Variants in SLC47A1 observed in about 807,000 individuals in gnomAD.
SLC47A1 encodes the protein solute carrier family 47 member 1, also known as multidrug and toxin extrusion protein 1.
A neutral mutation model predicts 65.8 loss-of-function variants in SLC47A1; 58 were observed. The ratio of observed to expected loss-of-function variants is 0.88; its 90% CI spans 0.71 to 1.10. The LOEUF (loss-of-function observed/expected upper bound fraction) is 1.10, where lower values mean the gene tolerates loss of function less well. SLC47A1 is among the 50% of genes least tolerant of loss of function. SLC47A1 has a pLI of 0.00. For missense variants in SLC47A1, 706 were observed against 719.2 expected, an observed-to-expected ratio of 0.98 and a Z score of 0.21; for synonymous variants, 285 against 295.0, an observed-to-expected ratio of 0.97 and a Z score of 0.35.
chr17:19,543,563 C>A (rs962261956), intron 2 of SLC47A1, among the ~76,000 whole-genome samples: 1 of 152,086 alleles, frequency 6.6e-6, no homozygotes, highest in Non-Finnish European at 1.5e-5. Context: ...TACTGAGAGT[C>A]CTAATCTAGA....
At chr17:19,566,888 A>G (rs1435267120) in intron 13 of SLC47A1, 29 bp downstream of exon 13, 2 of 1,611,644 alleles carry the variant, frequency 1.2e-6, no homozygotes, top group African/African-American at 2.7e-5. Context: ...TCCCCTAAGC[A>G]CTGTTATGAT....
intron 10 of SLC47A1, 124 bp downstream of exon 10, chr17:19,556,186 A>C (rs771062075): frequency 1.5e-5 from 17 of 1,132,526 alleles, no homozygotes; most frequent in Admixed American, 4.0e-5. Flanking sequence ...ACAAAAGTCA[A>C]ATCCCATCCT....
chr17:19,572,106 A>T (rs575191717), intron 15 of SLC47A1, among the ~76,000 whole-genome samples: 13 of 152,246 alleles, frequency 8.5e-5, no homozygotes, highest in African/African-American at 3.1e-4. Flanking sequence ...GTCATCTGTG[A>T]TCACTGCACT....
At chr17:19,551,555 A>G in intron 6 of SLC47A1, 87 bp downstream of exon 6, 1 of 1,194,308 alleles carries the variant, frequency 8.4e-7, no homozygotes, top group Non-Finnish European at 1.2e-6. Flanking sequence ...CTCCAGGACC[A>G]GGGACCCCAG....
chr17:19,542,193 T>C (rs1166203667), intron 1 of SLC47A1, among the ~76,000 whole-genome samples, 200 bp from the exon 2 acceptor site: 1 of 152,096 alleles, frequency 6.6e-6, no homozygotes, highest in Admixed American at 6.5e-5. Context: ...TGGTTGCAAA[T>C]AAATGTTTTA....
At chr17:19,537,182 C>T (rs1242676324) in intron 1 of SLC47A1, among the ~76,000 whole-genome samples, 1 of 152,190 alleles carries the variant, frequency 6.6e-6, no homozygotes, top group Non-Finnish European at 1.5e-5. Context: ...AGCCCAGGCC[C>T]CAGCTCAGGG....
intron 10 of SLC47A1, chr17:19,557,289 C>T: frequency 6.0e-6 from 1 of 167,044 alleles, no homozygotes; most frequent in Admixed American, 5.8e-5. Context: ...GTTTTTCTAT[C>T]CTTGGCAGAG....
chr17:19,577,600 C>A lies in SLC47A1; in HGVS notation c.*47C>A. On this transcript the variant is annotated 3_prime_UTR_variant, in exon 17 of 17. Transcript: ENST00000270570. ...GTCAAGTGATGCTTTTGAGCTTACA[C>A]ACAATTCACAGGCCCACCAGTGACA... The A allele has an allele frequency of 6.2e-7, 1 of 1,608,656 alleles. No individual in the cohort carries two copies. Among genetic ancestry groups the A allele is most frequent in the South Asian group, 1.1e-5 (1 of 90,410 alleles).
At chr17:19,552,063 G>A (rs1916466263) in intron 6 of SLC47A1, among the ~76,000 whole-genome samples, 1 of 152,212 alleles carries the variant, frequency 6.6e-6, no homozygotes, top group Non-Finnish European at 1.5e-5. Context: ...GATAAGTCCA[G>A]GTAAACAGGG....
At chr17:19,549,264 T>TCTCAGCTCA (rs977319282) in intron 4 of SLC47A1, among the ~76,000 whole-genome samples, 1 of 151,978 alleles carries the variant, frequency 6.6e-6, no homozygotes, top group African/African-American at 2.4e-5. Context: ...AATGGTGTGA[T>TCTCAGCTCA]CTCAGCTCAC....
intron 1 of SLC47A1, among the ~76,000 whole-genome samples, chr17:19,538,378 C>T (rs922216649): frequency 1.3e-5 from 2 of 152,262 alleles, no homozygotes; most frequent in African/African-American, 4.8e-5. Context: ...GCAGCTGTGG[C>T]CCACTGCCCT....
In SLC47A1 at chr17:19,533,989, C is replaced by A. The variant is rs768787010; in HGVS notation, c.50C>A (p.Thr17Asn). The change falls in exon 1 of 17, where the codon ACC becomes AAC. Residue 17 changes from threonine to asparagine, a missense_variant. Thr to Asn is a moderately conservative substitution (Grantham distance 65). Coordinates refer to ENST00000270570, the MANE Select transcript of SLC47A1 (RefSeq NM_018242.3). ...PAPVRGGPEATLEVRGSRCLR... is the reference protein window; with the variant it reads ...PAPVRGGPEANLEVRGSRCLR... Reference sequence around the variant, plus strand: ...CCAGTGCGCGGAGGCCCGGAGGCCACCCTTGAGGTCCGTGGGTCGCGCTGC... The same window carrying A: ...CCAGTGCGCGGAGGCCCGGAGGCCAACCTTGAGGTCCGTGGGTCGCGCTGC... 9.1e-6 allele frequency: 14 copies of A among 1,543,152 alleles called. No homozygotes were observed. Among genetic ancestry groups the A allele is most frequent in the Non-Finnish European group, 1.2e-5 (14 of 1,146,458 alleles).
At chr17:19,566,908 G>A in intron 13 of SLC47A1, 49 bp downstream of exon 13, 1 of 1,603,198 alleles carries the variant, frequency 6.2e-7, no homozygotes, top group Non-Finnish European at 8.5e-7. Flanking sequence ...TCTTCTGATG[G>A]TGGTAAATTT....
At chr17:19,544,852 A>G (rs1471660936) in intron 2 of SLC47A1, among the ~76,000 whole-genome samples, 1 of 152,198 alleles carries the variant, frequency 6.6e-6, no homozygotes, top group Non-Finnish European at 1.5e-5. Context: ...AAACTTGTAC[A>G]TGTCCTTACC....
intron 1 of SLC47A1, 74 bp downstream of exon 1, chr17:19,534,148 A>ACTT: frequency 7.1e-7 from 1 of 1,417,460 alleles, no homozygotes; most frequent in South Asian, 1.5e-5. Flanking sequence ...TCCGCGGGTG[A>ACTT]CTTTGGCGGG....
At position 19,577,403 on chromosome 17, in the gene SLC47A1, G is replaced by A. The variant is rs1364093257; in HGVS notation, c.1563G>A (p.Met521Ile). The part of the protein sequence containing the change: ...KTGEPQSDQQ[M>I]RQEEPLPEHP... Reference sequence around the variant, plus strand: ...GCGAGCCTCAGTCAGATCAGCAGATGCGCCAAGAAGAACCTTTGCCGGAAC... The same window carrying A: ...GCGAGCCTCAGTCAGATCAGCAGATACGCCAAGAAGAACCTTTGCCGGAAC... Residue 521 changes from methionine (M) to isoleucine (I), a missense_variant, in exon 17 of 17, where the codon ATG becomes ATA. By Grantham distance (10) the Met-to-Ile change is conservative. Coordinates refer to ENST00000270570, the MANE Select transcript of SLC47A1 (RefSeq NM_018242.3). 2 of 1,614,082 alleles carry A rather than the reference G, an allele frequency of 1.2e-6. No individual in the cohort carries two copies. Among genetic ancestry groups the A allele is most frequent in the Non-Finnish European group, 1.7e-6 (2 of 1,180,044 alleles).
chr17:19,534,425 C>CT (rs1483346902), intron 1 of SLC47A1: 1 of 229,048 alleles, frequency 4.4e-6, no homozygotes, highest in African/African-American at 2.3e-5. Context: ...CAGGTCCAGG[C>CT]TGCATTTGCA....
chr17:19,577,610 A>G lies in SLC47A1; in HGVS notation c.*57A>G, dbSNP rs1211779177. 3 of 1,601,526 alleles carry G rather than the reference A, an allele frequency of 1.9e-6. No individual in the cohort carries two copies. Among genetic ancestry groups the G allele is most frequent in the Non-Finnish European group, 2.6e-6 (3 of 1,173,018 alleles). On this transcript the variant is annotated 3_prime_UTR_variant, in exon 17 of 17. Coordinates refer to ENST00000270570, the MANE Select transcript of SLC47A1 (RefSeq NM_018242.3). ...GCTTTTGAGCTTACACACAATTCAC[A>G]GGCCCACCAGTGACAATTTACTGTG...
At chr17:19,538,205 A>G (rs1916046990) in intron 1 of SLC47A1, among the ~76,000 whole-genome samples, 1 of 152,258 alleles carries the variant, frequency 6.6e-6, no homozygotes, top group Non-Finnish European at 1.5e-5. Context: ...TTCCATTGCA[A>G]GAGTAATAGC....
Sources: gnomAD v4.1 joint callset for allele counts (sites outside exome capture counted in the v4.1 genomes callset) on GRCh38, gnomAD v4.1.1 for gene constraint, MANE v1.5 for transcripts, NCBI Gene and HGNC (gene_info 2026-07-23, HGNC 2026-07-21) for gene names.